ERF: variants seen among roughly 807,000 people sequenced by gnomAD.
The protein encoded by ERF is ETS2 repressor factor.
Under a neutral mutation model 41.6 loss-of-function variants are expected in ERF, and 10 were observed. The ratio of observed to expected loss-of-function variants is 0.24; its 90% CI spans 0.15 to 0.41. The LOEUF (loss-of-function observed/expected upper bound fraction) is 0.41. ERF is among the 10% of genes least tolerant of loss of function. The pLI is 1.00. For synonymous variants in ERF, 395 were observed against 342.4 expected (o/e 1.15, Z -1.70); for missense variants, 621 against 763.2 (o/e 0.81, Z 2.19).
In ERF at chr19:42,249,410, G is replaced by C. The variant is rs2036401654; in HGVS notation, c.702C>G (p.Val234=). ...RLPHDPGVFR[V]YPRPRGGPEP... is the part of the protein sequence containing the mutation. ...CAGGGCCACCCCGAGGCCGGGGATA[G>C]ACTCGGAAGACACCAGGGTCATGGG... Residue 234 remains valine, a synonymous_variant, in exon 4 of 4, where the codon GTC becomes GTG. Coordinates refer to ENST00000222329, the MANE Select transcript of ERF (RefSeq NM_006494.4). This position sits in a 1 kb window ranked among gnomAD's most constrained non-coding sequence, Gnocchi z 8.6. 4 of 1,582,230 alleles carry C rather than the reference G, an allele frequency of 2.5e-6. No homozygotes were observed. The highest frequency in any genetic ancestry group is 3.4e-6 in the Non-Finnish European group (4 of 1,164,568).
At position 42,248,523 on chromosome 19, in the gene ERF, AC is replaced by A; in HGVS notation, c.1588del (p.Val530Ter). 6.5e-7 allele frequency: 1 copy of A among 1,530,610 alleles called. No homozygotes were observed. The highest frequency in any genetic ancestry group is 8.8e-7 in the Non-Finnish European group (1 of 1,141,970). The allele number at this position is 1,530,610 out of a possible 1,614,324, so 94.8% of individuals were successfully genotyped here. ...EAGGPLTPRR[V>X]SSDLQHATAQ... is the part of the protein sequence containing the mutation. ...CGTGGCATGCTGGAGGTCAGAGCTC[AC>A]CCGCCTTGGGGTGAGGGGCCCCCCA... On this transcript the variant is annotated frameshift_variant, in exon 4 of 4. Coordinates refer to ENST00000222329, the MANE Select transcript of ERF (RefSeq NM_006494.4). LOFTEE classifies it high-confidence loss of function. The surrounding 1 kb of genome is among the most constrained non-coding windows in gnomAD (Gnocchi z 4.2).
chr19:42,249,648 G>T lies in ERF; in HGVS notation c.464C>A (p.Pro155His). The change falls in exon 4 of 4, where the codon CCC (proline) becomes CAC (histidine). Residue 155 changes from proline to histidine, a missense_variant. Coordinates refer to ENST00000222329, the MANE Select transcript of ERF (RefSeq NM_006494.4). This position sits in a 1 kb window ranked among gnomAD's most constrained non-coding sequence, Gnocchi z 8.6. ...PPSTPSEVLSPTEDPRSPPAC... is the reference protein window; with the variant it reads ...PPSTPSEVLSHTEDPRSPPAC... ...TGGTGGTGAGCGGGGGTCCTCGGTG[G>T]GGGACAGCACCTCGGAGGGCGTTGA... 6.2e-7 allele frequency: 1 copy of T among 1,610,086 alleles called. No individual in the cohort carries two copies. The highest frequency in any genetic ancestry group is 8.5e-7 in the Non-Finnish European group (1 of 1,178,100).
In ERF at chr19:42,248,573, C is replaced by T. The variant is rs370896467; in HGVS notation, c.1539G>A (p.Val513=). The change falls in exon 4 of 4, where the codon GTG becomes GTA. Residue 513 remains valine (V), a synonymous_variant. Coordinates refer to ENST00000222329, the MANE Select transcript of ERF (RefSeq NM_006494.4). The surrounding 1 kb of genome is among the most constrained non-coding windows in gnomAD (Gnocchi z 4.2). ...CAGCCTCCCCAGGCCCCTCCCCACGCACCTTCTTGTCCTCACCCTCATCCT... is the reference window on the plus strand; with the variant it reads ...CAGCCTCCCCAGGCCCCTCCCCACGTACCTTCTTGTCCTCACCCTCATCCT... ...GFEDEGEDKK[V]RGEGPGEAGG... is the part of the protein sequence containing the mutation. 1.9e-6 allele frequency: 3 copies of T among 1,576,616 alleles called. No individual in the cohort carries two copies. The highest frequency in any genetic ancestry group is 1.4e-5 in the African/African-American group (1 of 73,554).
chr19:42,249,357 G>A lies in ERF; in HGVS notation c.755C>T (p.Pro252Leu), dbSNP rs1449028945. The A allele has an allele frequency of 6.3e-7, 1 of 1,576,366 alleles. No individual in the cohort carries two copies. Among genetic ancestry groups the A allele is most frequent in the Admixed American group, 1.9e-5 (1 of 53,564 alleles). ...CAGCAGGGATCCAGGACCGGCCAGA[G>A]GCGACACAGGGAAGGGGCTGAGGGG... ...PEPLSPFPVSPLAGPGSLLPP... is the reference protein window; with the variant it reads ...PEPLSPFPVSLLAGPGSLLPP... Residue 252 changes from proline (P) to leucine (L), a missense_variant, in exon 4 of 4, where the codon CCT (proline) becomes CTT (leucine). Physicochemically the swap from Pro to Leu is moderately conservative, Grantham distance 98 (BLOSUM62 -3). Coordinates refer to ENST00000222329, the MANE Select transcript of ERF (RefSeq NM_006494.4). The surrounding 1 kb of genome is among the most constrained non-coding windows in gnomAD (Gnocchi z 8.6).
rs764764288 is a variant in ERF at position 42,248,890 on chromosome 19, C to A, written c.1222G>T (p.Gly408Trp). The change falls in exon 4 of 4, where the codon GGG (glycine) becomes TGG (tryptophan). Residue 408 changes from glycine to tryptophan, a missense_variant. Gly to Trp is a radical substitution (Grantham distance 184, BLOSUM62 -2). Around this residue, in one of 3 missense-constraint regions of ERF, gnomAD observed 569 missense variants for 625.5 expected, o/e 0.91. Coordinates refer to ENST00000222329, the MANE Select transcript of ERF (RefSeq NM_006494.4). This position sits in a 1 kb window ranked among gnomAD's most constrained non-coding sequence, Gnocchi z 4.2. The stretch of plus-strand genomic sequence containing the variant: ...AGCGCCCCTGCCCCCTCAGCCAGCC[C>A]GCCTGCACTGCCACCGCTCTTGTCA... ...GADKSGGSAG[G>W]LAEGAGALAP... 2 of 1,607,838 alleles carry A rather than the reference C, an allele frequency of 1.2e-6. No individual in the cohort carries two copies. Among genetic ancestry groups the A allele is most frequent in the Non-Finnish European group, 1.7e-6 (2 of 1,179,124 alleles).
In ERF at chr19:42,250,942, T is replaced by A. The variant is rs1258915860; in HGVS notation, c.23-377A>T. 6.6e-6 allele frequency among the ~76,000 whole-genome samples: 1 copy of A among 151,910 alleles called. No homozygotes were observed. The highest frequency in any genetic ancestry group is 6.6e-5 in the Admixed American group (1 of 15,260). On this transcript the variant is annotated intron_variant, in intron 1 of 3. Coordinates refer to ENST00000222329, the MANE Select transcript of ERF (RefSeq NM_006494.4). The surrounding 1 kb of genome is among the most constrained non-coding windows in gnomAD (Gnocchi z 5.1). ...CCGGGTTGGGGTACAGCCCCCCAGC[T>A]TACCCCCACTCCCATTCAGAGCCAG... is the stretch of plus-strand genomic sequence containing the variant.
Position 42,250,036 on chromosome 19 carries a change from G to A in ERF, c.258-94C>T. On this transcript the variant is annotated intron_variant, in intron 2 of 3. Transcript: ENST00000222329. The surrounding 1 kb of genome is among the most constrained non-coding windows in gnomAD (Gnocchi z 5.1). The stretch of plus-strand genomic sequence containing the variant: ...CACGCACTTAGGTGTGGTTCCCAAA[G>A]GCCAACTGAGGAACGTAGGCCACAA... 1 of 1,216,196 alleles carries A rather than the reference G, an allele frequency of 8.2e-7. No individual in the cohort carries two copies. Among genetic ancestry groups the A allele is most frequent in the Middle Eastern group, 1.9e-4 (1 of 5,222 alleles). 75.3% of individuals were successfully genotyped at this position (1,216,196 alleles called of 1,614,324 possible). A position where few individuals can be genotyped will look rare whatever the true frequency, so the allele number is the denominator to read the frequency against.
chr19:42,249,705 G>A lies in ERF; in HGVS notation c.407C>T (p.Pro136Leu), dbSNP rs2036410944. ...GAVPQSAPPV[P>L]SGGSHFRFPP... is the part of the protein sequence containing the mutation. ...GAAGCGGAAGTGGCTACCACCCGACGGCACTGGCGGGGCACTCTGGGGCAC... is the reference window on the plus strand; with the variant it reads ...GAAGCGGAAGTGGCTACCACCCGACAGCACTGGCGGGGCACTCTGGGGCAC... Residue 136 changes from proline to leucine, a missense_variant, in exon 4 of 4, where the codon CCG becomes CTG. By Grantham distance (98) the Pro-to-Leu change is moderately conservative. Around this residue, in one of 3 missense-constraint regions of ERF, gnomAD observed 569 missense variants for 625.5 expected, o/e 0.91. Coordinates refer to ENST00000222329, the MANE Select transcript of ERF (RefSeq NM_006494.4). This position sits in a 1 kb window ranked among gnomAD's most constrained non-coding sequence, Gnocchi z 8.6. 1.3e-6 allele frequency: 2 copies of A among 1,599,626 alleles called. No individual in the cohort carries two copies. Among genetic ancestry groups the A allele is most frequent in the Non-Finnish European group, 1.7e-6 (2 of 1,171,036 alleles).
intron 1 of ERF, among the ~76,000 whole-genome samples, chr19:42,254,177 G>A (rs1324572210): frequency 6.6e-6 from 1 of 151,788 alleles, no homozygotes; most frequent in East Asian, 2.0e-4. Flanking sequence ...AGAGAGGGGC[G>A]GAGGGAAGAG....
chr19:42,254,002 C>A (rs886787382), intron 1 of ERF: 7 of 957,726 alleles, frequency 7.3e-6, no homozygotes, highest in Non-Finnish European at 8.7e-6. Context: ...GACCCCTCCC[C>A]CTGCGCGCTC....
chr19:42,250,126 G>A lies in ERF; in HGVS notation c.258-184C>T. 1.3e-6 allele frequency: 1 copy of A among 742,994 alleles called. No individual in the cohort carries two copies. Among genetic ancestry groups the A allele is most frequent in the South Asian group, 1.7e-5 (1 of 58,172 alleles). The allele number at this position is 742,994 out of a possible 1,614,324, so 46.0% of individuals were successfully genotyped here. On this transcript the variant is annotated intron_variant, in intron 2 of 3. Coordinates refer to ENST00000222329, the MANE Select transcript of ERF (RefSeq NM_006494.4). The surrounding 1 kb of genome is among the most constrained non-coding windows in gnomAD (Gnocchi z 5.1). The stretch of plus-strand genomic sequence containing the variant: ...TCCTCACATCTAAGGCAGGACTAGA[G>A]GATCCACTGGTGACTGTAATCTCTC...
Position 42,248,786 on chromosome 19 carries a change from G to A in ERF, c.1326C>T (p.Asp442=), listed in dbSNP as rs2146948076. 6.2e-7 allele frequency: 1 copy of A among 1,613,542 alleles called. No homozygotes were observed. The highest frequency in any genetic ancestry group is 8.5e-7 in the Non-Finnish European group (1 of 1,179,968). ...CGTCTTCCTCATCCTCATCACTGAT[G>A]TCAGTCACCTCTACCTCCTCCGACT... is the stretch of plus-strand genomic sequence containing the variant. ...EGESEEVEVT[D]ISDEDEEDGE... Residue 442 remains aspartate (D), a synonymous_variant, in exon 4 of 4, where the codon GAC becomes GAT. Coordinates refer to ENST00000222329, the MANE Select transcript of ERF (RefSeq NM_006494.4). This position sits in a 1 kb window ranked among gnomAD's most constrained non-coding sequence, Gnocchi z 4.2.
intron 1 of ERF, among the ~76,000 whole-genome samples, chr19:42,253,630 A>G (rs904621080): frequency 1.3e-5 from 2 of 151,636 alleles, no homozygotes; most frequent in African/African-American, 2.4e-5. Flanking sequence ...AGTGTGTAGG[A>G]CGCACGTGAC....
At chr19:42,251,691 C>G (rs1242648148) in intron 1 of ERF, among the ~76,000 whole-genome samples, 1 of 152,066 alleles carries the variant, frequency 6.6e-6, no homozygotes, top group African/African-American at 2.4e-5. Context: ...TCCCTTGGCC[C>G]CAGCTCAAAC....
At position 42,250,619 on chromosome 19, in the gene ERF, C is replaced by G; in HGVS notation, c.23-54G>C. 1.9e-6 allele frequency: 3 copies of G among 1,565,450 alleles called. No homozygotes were observed. Among genetic ancestry groups the G allele is most frequent in the Non-Finnish European group, 2.6e-6 (3 of 1,149,900 alleles). On this transcript the variant is annotated intron_variant, in intron 1 of 3. Transcript: ENST00000222329. This position sits in a 1 kb window ranked among gnomAD's most constrained non-coding sequence, Gnocchi z 5.1. ...GGGTCAGGCTGCCAAGTCCAGGGCT[C>G]TGGGTCCCATCCCAGGGTCCACCTC...
chr19:42,254,028 C>A (rs1387534214), intron 1 of ERF: 6 of 735,620 alleles, frequency 8.2e-6, no homozygotes, highest in Admixed American at 6.3e-5. Context: ...CAAAGTCCAG[C>A]CCGCGCGAGC....
Position 42,249,355 on chromosome 19 carries a change from G to C in ERF, c.757C>G (p.Leu253Val), listed in dbSNP as rs1170459266. 2 of 1,577,750 alleles carry C rather than the reference G, an allele frequency of 1.3e-6. No homozygotes were observed. Among genetic ancestry groups the C allele is most frequent in the Admixed American group, 1.9e-5 (1 of 53,712 alleles). ...EPLSPFPVSP[L>V]AGPGSLLPPQ... is the part of the protein sequence containing the mutation. ...GGCAGCAGGGATCCAGGACCGGCCA[G>C]AGGCGACACAGGGAAGGGGCTGAGG... Residue 253 changes from leucine to valine, a missense_variant, in exon 4 of 4, where the codon CTG (leucine) becomes GTG (valine). Coordinates refer to ENST00000222329, the MANE Select transcript of ERF (RefSeq NM_006494.4). The surrounding 1 kb of genome is among the most constrained non-coding windows in gnomAD (Gnocchi z 8.6).
In ERF at chr19:42,248,383, C is replaced by T; in HGVS notation, c.*82G>A. 3.2e-6 allele frequency: 4 copies of T among 1,265,882 alleles called. No homozygotes were observed. Among genetic ancestry groups the T allele is most frequent in the Non-Finnish European group, 4.1e-6 (4 of 974,286 alleles). 78.4% of individuals were successfully genotyped at this position (1,265,882 alleles called of 1,614,324 possible). ...GCAGGGAAGAGACAAGAGAGCTGCCCTCACCTCCAGGGCATAGGGGGCTTA... is the reference window on the plus strand; with the variant it reads ...GCAGGGAAGAGACAAGAGAGCTGCCTTCACCTCCAGGGCATAGGGGGCTTA... On this transcript the variant is annotated 3_prime_UTR_variant, in exon 4 of 4. Coordinates refer to ENST00000222329, the MANE Select transcript of ERF (RefSeq NM_006494.4). The surrounding 1 kb of genome is among the most constrained non-coding windows in gnomAD (Gnocchi z 4.2).
chr19:42,249,981 T>C lies in ERF; in HGVS notation c.258-39A>G, dbSNP rs2036417086. On this transcript the variant is annotated intron_variant, in intron 2 of 3. Coordinates refer to ENST00000222329, the MANE Select transcript of ERF (RefSeq NM_006494.4). This position sits in a 1 kb window ranked among gnomAD's most constrained non-coding sequence, Gnocchi z 8.6. ...AATGCCATTGGGAAGGTCAGGTACGTGGGACCCAGGTCTAGACTCCACACC... is the reference window on the plus strand; with the variant it reads ...AATGCCATTGGGAAGGTCAGGTACGCGGGACCCAGGTCTAGACTCCACACC... The C allele has an allele frequency of 6.3e-7, 1 of 1,589,488 alleles. No homozygotes were observed. The highest frequency in any genetic ancestry group is 8.6e-7 in the Non-Finnish European group (1 of 1,157,870).
Sources: gnomAD v4.1 joint callset for allele counts (sites outside exome capture counted in the v4.1 genomes callset) on GRCh38, gnomAD v4.1.1 for gene constraint, gnomAD v4.1.1 regional missense constraint, Gnocchi (gnomAD v3.1) non-coding constraint, MANE v1.5 for transcripts, NCBI Gene and HGNC (gene_info 2026-07-23, HGNC 2026-07-21) for gene names.